UBXN8: variants seen among roughly 807,000 people sequenced by gnomAD.
The protein encoded by UBXN8 is UBX domain protein 8.
In UBXN8, 27 loss-of-function variants were observed where a neutral mutation model predicts 32.1. The observed-to-expected ratio is 0.84, with a 90% CI of 0.62 to 1.16. The LOEUF is 1.16. Ranked by LOEUF, UBXN8 falls within the 50% of genes most tolerant of loss-of-function variation. The pLI is 0.00. For missense variants in UBXN8, 306 were observed against 311.4 expected, an observed-to-expected ratio of 0.98 and a Z score of 0.13; for synonymous variants, 109 against 111.8, an observed-to-expected ratio of 0.98 and a Z score of 0.16.
intron 5 of UBXN8, among the ~76,000 whole-genome samples, chr8:30,758,148 G>A (rs1805713400): frequency 6.6e-6 from 1 of 152,028 alleles, no homozygotes; most frequent in South Asian, 2.1e-4. Context: ...CGCCCGCCTT[G>A]GCCTCCCAAA....
chr8:30,731,150 G>A (rs1370902114), upstream of UBXN8, among the ~76,000 whole-genome samples: 2 of 152,224 alleles, frequency 1.3e-5, no homozygotes, highest in Non-Finnish European at 2.9e-5. Context: ...AGGTGACTCG[G>A]AGCAGGAGGC....
Position 30,744,183 on chromosome 8 carries a change from C to T in UBXN8, c.-7C>T, listed in dbSNP as rs1805290956. On this transcript the variant is annotated 5_prime_UTR_variant, in exon 1 of 8. Transcript: ENST00000265616. Reference sequence around the variant, plus strand: ...GCTTTCCGCCTGCACCAGGCGCTTCCGCCACCATGGCTTCACGTGGGGTTG... The same window carrying T: ...GCTTTCCGCCTGCACCAGGCGCTTCTGCCACCATGGCTTCACGTGGGGTTG... 1.2e-6 allele frequency: 2 copies of T among 1,611,766 alleles called. No homozygotes were observed. The highest frequency in any genetic ancestry group is 1.7e-5 in the Admixed American group (1 of 59,556).
upstream of UBXN8, among the ~76,000 whole-genome samples, chr8:30,742,745 CT>C (rs1805239696): frequency 1.3e-5 from 2 of 152,158 alleles, no homozygotes; most frequent in Admixed American, 1.3e-4. Flanking sequence ...GATTCCTAAC[CT>C]TTGAACACAA....
At position 30,766,263 on chromosome 8, in the gene UBXN8, A is replaced by C; in HGVS notation, c.682A>C (p.Ile228Leu). Residue 228 changes from isoleucine to leucine, a missense_variant, in exon 8 of 8, where the codon ATA (isoleucine) becomes CTA (leucine). Coordinates refer to ENST00000265616, the MANE Select transcript of UBXN8 (RefSeq NM_005671.4). ...FDWMTRIGYH[I>L]SLYSLSTSFP... is the part of the protein sequence containing the mutation. Reference sequence around the variant, plus strand: ...CTGGATGACGAGAATTGGGTACCACATATCTCTATACAGCCTTTCTACTTC... The same window carrying C: ...CTGGATGACGAGAATTGGGTACCACCTATCTCTATACAGCCTTTCTACTTC... 1 of 1,613,660 alleles carries C rather than the reference A, an allele frequency of 6.2e-7. No homozygotes were observed. Among genetic ancestry groups the C allele is most frequent in the Non-Finnish European group, 8.5e-7 (1 of 1,179,698 alleles).
At chr8:30,739,326 C>T (rs187577617), upstream of UBXN8, among the ~76,000 whole-genome samples, 2,743 of 150,816 alleles carry the variant, frequency 0.018, 138 homozygotes, top group South Asian at 0.028. Context: ...GGGTGGATCA[C>T]GATGTCAGGA....
At position 30,766,334 on chromosome 8, in the gene UBXN8, G is replaced by A; in HGVS notation, c.753G>A (p.Glu251=). Residue 251 remains glutamate, a synonymous_variant, in exon 8 of 8, where the codon GAG becomes GAA. Transcript: ENST00000265616. ...CAGTGGAGGGAGGCCAGTCGCTGGA[G>A]GACATAGGAATAACTGTGGACACTG... is the stretch of plus-strand genomic sequence containing the variant. ...PLAVEGGQSL[E]DIGITVDTVL... is the part of the protein sequence containing the mutation. 1 of 1,613,642 alleles carries A rather than the reference G, an allele frequency of 6.2e-7. No individual in the cohort carries two copies. The highest frequency in any genetic ancestry group is 8.5e-7 in the Non-Finnish European group (1 of 1,179,724).
At chr8:30,736,877 G>A (rs770818929) in intron 1 of UBXN8, among the ~76,000 whole-genome samples, 2 of 152,122 alleles carry the variant, frequency 1.3e-5, no homozygotes, top group Admixed American at 6.5e-5. Flanking sequence ...AAGAAATGTA[G>A]TACTACCACA....
At chr8:30,732,356 A>T (rs933848421), upstream of UBXN8, 41 of 398,112 alleles carry the variant, frequency 1.0e-4, no homozygotes, top group Admixed American at 1.3e-3. Context: ...AAAAGCTCAG[A>T]TCTGCCAACA....
chr8:30,757,769 G>T (rs1446205088), intron 5 of UBXN8, among the ~76,000 whole-genome samples: 1 of 147,620 alleles, frequency 6.8e-6, no homozygotes, highest in East Asian at 2.1e-4. Flanking sequence ...TGAAGCAGGA[G>T]AATCTCTTGA....
chr8:30,747,715 C>T (rs1268191566), intron 1 of UBXN8, among the ~76,000 whole-genome samples: 1 of 138,360 alleles, frequency 7.2e-6, no homozygotes, highest in Non-Finnish European at 1.5e-5. Flanking sequence ...ACACCTGAAT[C>T]AACAGTTAAT....
In UBXN8 at chr8:30,751,517, G is replaced by T; in HGVS notation, c.210G>T (p.Lys70Asn). 9 of 1,596,146 alleles carry T rather than the reference G, an allele frequency of 5.6e-6. No individual in the cohort carries two copies. Among genetic ancestry groups the T allele is most frequent in the Non-Finnish European group, 6.8e-6 (8 of 1,173,228 alleles). ...NSFKSPQVYL[K>N]EEEEKNEKRQ... Reference sequence around the variant, plus strand: ...TTAAATCTCCCCAAGTTTATCTGAAGGGTAAGTTTATTATTTATTCTACCC... The same window carrying T: ...TTAAATCTCCCCAAGTTTATCTGAATGGTAAGTTTATTATTTATTCTACCC... Residue 70 changes from lysine (K) to asparagine (N), a missense_variant and splice_region_variant, in exon 2 of 8, where the codon AAG becomes AAT. Transcript: ENST00000265616.
upstream of UBXN8, among the ~76,000 whole-genome samples, chr8:30,731,908 G>A (rs929720001): frequency 1.3e-5 from 2 of 152,166 alleles, no homozygotes; most frequent in East Asian, 3.8e-4. Flanking sequence ...CTACAGGCTG[G>A]TACAGGATTT....
At chr8:30,760,434 T>TAC (rs1805800027) in intron 5 of UBXN8, among the ~76,000 whole-genome samples, 1 of 42,384 alleles carries the variant, frequency 2.4e-5, no homozygotes, top group East Asian at 4.7e-4. Context: ...TATATATATA[T>TAC]ATATATATAT....
intron 6 of UBXN8, among the ~76,000 whole-genome samples, chr8:30,761,166 C>G (rs1470798798): frequency 6.6e-6 from 1 of 152,004 alleles, no homozygotes; most frequent in Admixed American, 6.6e-5. Context: ...TCCTGGGTAG[C>G]TGGGTCTTAC....
upstream of UBXN8, among the ~76,000 whole-genome samples, chr8:30,739,320 G>A (rs1336511956): frequency 6.6e-6 from 1 of 150,694 alleles, no homozygotes; most frequent in Admixed American, 6.7e-5. Context: ...CGAGGCGGGT[G>A]GATCACGATG....
At position 30,758,900 on chromosome 8, in the gene UBXN8, T is replaced by TTTTTTTTTTTTG. The variant is rs1805747288; in HGVS notation, c.529-1987_529-1976dup. Among the ~76,000 whole-genome samples, 145 of 121,990 alleles carry TTTTTTTTTTTTG rather than the reference T, an allele frequency of 1.2e-3. 2 individuals are homozygous for TTTTTTTTTTTTG. The highest frequency in any genetic ancestry group is 1.7e-3 in the Non-Finnish European group (106 of 60,696). 80.0% of individuals were successfully genotyped at this position (121,990 alleles called of 152,430 possible). A position where few individuals can be genotyped will look rare whatever the true frequency, so the allele number is the denominator to read the frequency against. ...TTTTTTGTTTGTTTTTTTTGTTTTT[T>TTTTTTTTTTTTG]TTTTTTTTTTTGAGACGGAGTCTCG... On this transcript the variant is annotated intron_variant, in intron 5 of 7. Coordinates refer to ENST00000265616, the MANE Select transcript of UBXN8 (RefSeq NM_005671.4).
upstream of UBXN8, chr8:30,732,102 G>A (rs1804971951): frequency 3.2e-6 from 1 of 308,604 alleles, no homozygotes; most frequent in Non-Finnish European, 5.9e-6. Flanking sequence ...AAGATCCGGA[G>A]TCAGGTGTCA....
intron 2 of UBXN8, among the ~76,000 whole-genome samples, chr8:30,751,739 C>G (rs1805528561): frequency 6.6e-6 from 1 of 151,848 alleles, no homozygotes; most frequent in Non-Finnish European, 1.5e-5. Flanking sequence ...AGAAATTGTA[C>G]ATTTTTCTTA....
intron 6 of UBXN8, among the ~76,000 whole-genome samples, chr8:30,762,612 C>T (rs979594285): frequency 4.6e-5 from 7 of 152,054 alleles, no homozygotes; most frequent in Admixed American, 1.3e-4. Flanking sequence ...AGGCTGGTCA[C>T]GAACTCCTGA....
Sources: gnomAD v4.1 joint callset for allele counts (sites outside exome capture counted in the v4.1 genomes callset) on GRCh38, gnomAD v4.1.1 for gene constraint, MANE v1.5 for transcripts, NCBI Gene and HGNC (gene_info 2026-07-23, HGNC 2026-07-21) for gene names.